TRAM1: variants seen among roughly 807,000 people sequenced by gnomAD.
The protein encoded by TRAM1 is translocating chain-associated membrane protein 1.
Under a neutral mutation model 48.7 loss-of-function variants are expected in TRAM1, and 17 were observed. The ratio of observed to expected loss-of-function variants is 0.35; its 90% CI spans 0.24 to 0.52. The LOEUF (loss-of-function observed/expected upper bound fraction) is 0.52. Among genes scored for constraint, TRAM1 ranks in the 20% least tolerant of loss-of-function variants. The probability of loss-of-function intolerance (pLI) is 0.94; values close to 1 mark genes in which losing one functional copy is unlikely to be tolerated. For missense variants in TRAM1, 351 were observed against 441.5 expected (o/e 0.79, Z 1.84); for synonymous variants, 182 against 154.0 (o/e 1.18, Z -1.34).
intron 8 of TRAM1, among the ~76,000 whole-genome samples, chr8:70,584,120 G>A (rs407202): frequency 0.027 from 4,149 of 152,212 alleles, 69 homozygotes; most frequent in Middle Eastern, 0.068. Context: ...TCAAATATCT[G>A]GGAAAGGCTA....
At chr8:70,581,156 T>C (rs751539656) in intron 10 of TRAM1, among the ~76,000 whole-genome samples, 22 of 152,334 alleles carry the variant, frequency 1.4e-4, no homozygotes, top group Non-Finnish European at 3.1e-4. Flanking sequence ...GGGAGGCTGA[T>C]GGGAGAATCC....
At chr8:70,580,947 C>A (rs573408308) in intron 10 of TRAM1, among the ~76,000 whole-genome samples, 1 of 152,236 alleles carries the variant, frequency 6.6e-6, no homozygotes, top group Admixed American at 6.5e-5. Flanking sequence ...GATGTATACA[C>A]TGATAAATAT....
intron 5 of TRAM1, 65 bp downstream of exon 5, chr8:70,596,198 A>T: frequency 7.7e-7 from 1 of 1,302,528 alleles, no homozygotes; most frequent in Non-Finnish European, 1.0e-6. Context: ...AACAAGAATG[A>T]ATTCTGATTA....
intron 1 of TRAM1, among the ~76,000 whole-genome samples, chr8:70,604,832 C>T (rs1056399297): frequency 6.6e-6 from 1 of 152,188 alleles, no homozygotes; most frequent in African/African-American, 2.4e-5. Context: ...CTCTTGTGAA[C>T]CCCTAATTCT....
chr8:70,602,618 A>G (rs748198274), intron 1 of TRAM1, among the ~76,000 whole-genome samples: 1 of 152,268 alleles, frequency 6.6e-6, no homozygotes, highest in Non-Finnish European at 1.5e-5. Flanking sequence ...CATATTAAGC[A>G]TAATGGGGAC....
Position 70,587,181 on chromosome 8 carries a change from A to G in TRAM1, c.571-5T>C. On this transcript the variant is annotated splice_region_variant and splice_polypyrimidine_tract_variant and intron_variant, in intron 6 of 10. Coordinates refer to ENST00000262213, the MANE Select transcript of TRAM1 (RefSeq NM_014294.6). The stretch of plus-strand genomic sequence containing the variant: ...AAGCTGACGAGGAATATCTTCCTGT[A>G]AAAAAATACATTATAGATTAAAACA... The G allele has an allele frequency of 6.2e-7, 1 of 1,610,784 alleles. No homozygotes were observed. Among genetic ancestry groups the G allele is most frequent in the Non-Finnish European group, 8.5e-7 (1 of 1,177,266 alleles).
intron 6 of TRAM1, among the ~76,000 whole-genome samples, chr8:70,592,031 A>G (rs1245565145): frequency 8.5e-5 from 13 of 152,198 alleles, no homozygotes; most frequent in Non-Finnish European, 1.5e-5. Flanking sequence ...ACTATTTCTA[A>G]TACTTTATAT....
At position 70,596,335 on chromosome 8, in the gene TRAM1, TA is replaced by T; in HGVS notation, c.427-15del. ...GATGTAGTTTTCCTAAGAAAGAAGA[TA>T]TAAAAATTAACCTGTGAGCATAATG... On this transcript the variant is annotated splice_polypyrimidine_tract_variant and intron_variant, in intron 4 of 10. Coordinates refer to ENST00000262213, the MANE Select transcript of TRAM1 (RefSeq NM_014294.6). 1 of 1,579,060 alleles carries T rather than the reference TA, an allele frequency of 6.3e-7. No homozygotes were observed. Among genetic ancestry groups the T allele is most frequent in the South Asian group, 1.2e-5 (1 of 85,564 alleles).
At chr8:70,603,370 T>G (rs947619932) in intron 1 of TRAM1, among the ~76,000 whole-genome samples, 11 of 151,798 alleles carry the variant, frequency 7.2e-5, no homozygotes, top group African/African-American at 2.4e-4. Flanking sequence ...CATCCCTGTT[T>G]CCAGTTTGTA....
At chr8:70,577,138 T>C (rs1050876009) in intron 10 of TRAM1, among the ~76,000 whole-genome samples, 2 of 152,178 alleles carry the variant, frequency 1.3e-5, no homozygotes, top group African/African-American at 4.8e-5. Context: ...CCTGCTCCCT[T>C]GGCCCTGTCA....
At chr8:70,579,991 T>C (rs1315250755) in intron 10 of TRAM1, among the ~76,000 whole-genome samples, 1 of 152,142 alleles carries the variant, frequency 6.6e-6, no homozygotes, top group African/African-American at 2.4e-5. Context: ...TAACAAATAG[T>C]TAAAACTGTT....
Position 70,574,678 on chromosome 8 carries a change from A to G in TRAM1, c.*254T>C. 3.3e-6 allele frequency: 1 copy of G among 301,158 alleles called. No individual in the cohort carries two copies. The highest frequency in any genetic ancestry group is 5.8e-5 in the South Asian group (1 of 17,348). 18.7% of individuals were successfully genotyped at this position (301,158 alleles called of 1,614,324 possible). ...ATCATTAGAAAAATGTTCAAAAATA[A>G]AAACAAAATAAAATATGGTGGTGGT... On this transcript the variant is annotated 3_prime_UTR_variant, in exon 11 of 11. Coordinates refer to ENST00000262213, the MANE Select transcript of TRAM1 (RefSeq NM_014294.6).
rs1816908902 is a variant in TRAM1 at position 70,574,768 on chromosome 8, T to TA, written c.*163dup. ...AAAATATTTTTTTCATTCATAGCAA[T>TA]AATCCTCCCCTCAAATGCCCTTTAA... On this transcript the variant is annotated 3_prime_UTR_variant, in exon 11 of 11. Transcript: ENST00000262213. 5 of 564,812 alleles carry TA rather than the reference T, an allele frequency of 8.9e-6. No homozygotes were observed. The East Asian group carries it at 1.6e-4, about 19-fold the overall frequency. 35.0% of individuals were successfully genotyped at this position (564,812 alleles called of 1,614,324 possible).
chr8:70,605,056 C>T (rs1270395613), intron 1 of TRAM1, among the ~76,000 whole-genome samples: 1 of 152,180 alleles, frequency 6.6e-6, no homozygotes, highest in African/African-American at 2.4e-5. Context: ...TAAACTCTTA[C>T]ATTACTGCCA....
At chr8:70,589,057 G>A (rs117585450) in intron 6 of TRAM1, among the ~76,000 whole-genome samples, 2,592 of 152,268 alleles carry the variant, frequency 0.017, 36 homozygotes, top group South Asian at 0.031. Context: ...ATCTTTTGAG[G>A]AGTAGAGATT....
intron 1 of TRAM1, among the ~76,000 whole-genome samples, chr8:70,601,666 C>G (rs936345679): frequency 6.6e-6 from 1 of 152,094 alleles, no homozygotes; most frequent in Non-Finnish European, 1.5e-5. Flanking sequence ...AGCATGCAGC[C>G]AAGAATGAAA....
At chr8:70,596,446 C>A in intron 4 of TRAM1, 125 bp from the exon 5 acceptor site, 1 of 556,500 alleles carries the variant, frequency 1.8e-6, no homozygotes, top group Non-Finnish European at 3.0e-6. Flanking sequence ...CCACTAATGT[C>A]AAAATCCTTA....
At chr8:70,590,400 G>C (rs1484268934) in intron 6 of TRAM1, among the ~76,000 whole-genome samples, 1 of 152,174 alleles carries the variant, frequency 6.6e-6, no homozygotes, top group Non-Finnish European at 1.5e-5. Context: ...CAATTAGGTG[G>C]AGCGCAGTTG....
Position 70,583,634 on chromosome 8 carries a change from G to A in TRAM1, c.890+16C>T. 1 of 1,603,028 alleles carries A rather than the reference G, an allele frequency of 6.2e-7. No homozygotes were observed. The highest frequency in any genetic ancestry group is 8.5e-7 in the Non-Finnish European group (1 of 1,177,374). On this transcript the variant is annotated intron_variant, in intron 9 of 10. Coordinates refer to ENST00000262213, the MANE Select transcript of TRAM1 (RefSeq NM_014294.6). ...TCTAGCTGTATAAAGTGAAAAAAAT[G>A]TTAAATTGATCGTACCTAACAGCTA...
Sources: gnomAD v4.1 joint callset for allele counts (sites outside exome capture counted in the v4.1 genomes callset) on GRCh38, gnomAD v4.1.1 for gene constraint, MANE v1.5 for transcripts, NCBI Gene and HGNC (gene_info 2026-07-23, HGNC 2026-07-21) for gene names.